ABCB4: variants seen among roughly 807,000 people sequenced by gnomAD.
The protein encoded by ABCB4 is ATP binding cassette subfamily B member 4.
Under a neutral mutation model 145.7 loss-of-function variants are expected in ABCB4, and 76 were observed. The ratio of observed to expected loss-of-function variants is 0.52; its 90% CI spans 0.43 to 0.63. The LOEUF (loss-of-function observed/expected upper bound fraction) is 0.63. Among genes scored for constraint, ABCB4 ranks in the 30% least tolerant of loss-of-function variants. The pLI, the probability that ABCB4 is intolerant of heterozygous loss-of-function variation, is 0.00. For synonymous variants in ABCB4, 517 were observed against 566.8 expected, an observed-to-expected ratio of 0.91 and a Z score of 1.25; for missense variants, 1,234 against 1,553.1, an observed-to-expected ratio of 0.79 and a Z score of 3.45.
chr7:87,392,261 T>A, the ABCB4 span, among the ~76,000 whole-genome samples: 2 of 152,214 alleles, frequency 1.3e-5, no homozygotes, highest in Admixed American at 6.5e-5. Context: ...TTTATTGTCA[T>A]TTTTAGTTAT....
At chr7:87,389,788 A>G in the ABCB4 span, among the ~76,000 whole-genome samples, 2 of 150,740 alleles carry the variant, frequency 1.3e-5, no homozygotes, top group South Asian at 4.3e-4. Context: ...AAATTCTGCA[A>G]AGCCTTCAAA....
chr7:87,406,356 A>T lies in ABCB4; in HGVS notation c.3418T>A (p.Ser1140Thr). The change falls in exon 26 of 28, where the codon TCA (serine) becomes ACA (threonine). Residue 1140 changes from serine (S) to threonine (T), a missense_variant. By Grantham distance (58) the Ser-to-Thr change is moderately conservative. Transcript: ENST00000649586. The stretch of plus-strand genomic sequence containing the variant: ...GCTGCACTCACAATTTCATCCTGTG[A>T]TACAACCCGGCTGTTGTCTCCATAG... The part of the protein sequence containing the change: ...IAYGDNSRVV[S>T]QDEIVSAAKA... 1 of 1,614,116 alleles carries T rather than the reference A, an allele frequency of 6.2e-7. No homozygotes were observed. The highest frequency in any genetic ancestry group is 1.7e-5 in the Admixed American group (1 of 60,022).
rs1811823975 is a variant in ABCB4 at position 87,452,663 on chromosome 7, T to A, written c.536+281A>T. 13 of 493,872 alleles carry A rather than the reference T, an allele frequency of 2.6e-5. No individual in the cohort carries two copies. In the East Asian group the frequency reaches 4.9e-4, roughly 19 times the overall value. The allele number at this position is 493,872 out of a possible 1,614,324, so 30.6% of individuals were successfully genotyped here. On this transcript the variant is annotated intron_variant, in intron 6 of 27. Coordinates refer to ENST00000649586, the MANE Select transcript of ABCB4 (RefSeq NM_000443.4). Reference sequence around the variant, plus strand: ...TTGATTCAACCATCTTTACTGACAGTCTAGCACCTGTCACGTCCTGCAGTA... The same window carrying A: ...TTGATTCAACCATCTTTACTGACAGACTAGCACCTGTCACGTCCTGCAGTA...
the ABCB4 span, among the ~76,000 whole-genome samples, chr7:87,395,182 A>T: frequency 6.6e-6 from 1 of 152,204 alleles, no homozygotes; most frequent in East Asian, 1.9e-4. Context: ...ACAGCTGAAG[A>T]AGTTAGAGTC....
intron 13 of ABCB4, 21 bp from the exon 14 acceptor site, chr7:87,439,858 C>T (rs777546472): frequency 6.2e-6 from 10 of 1,614,160 alleles, no homozygotes; most frequent in Non-Finnish European, 7.6e-6. Flanking sequence ...AAACATGGAT[C>T]AGCTCTTGAA....
chr7:87,396,858 G>A (rs7783929), downstream of ABCB4, among the ~76,000 whole-genome samples: 6,488 of 151,860 alleles, frequency 0.043, 439 homozygotes, highest in African/African-American at 0.15. Flanking sequence ...TTTCATTCTT[G>A]CTTATTATTT....
At chr7:87,372,018 A>C in the ABCB4 span, among the ~76,000 whole-genome samples, 3 of 151,320 alleles carry the variant, frequency 2.0e-5, no homozygotes, top group South Asian at 2.1e-4. Flanking sequence ...AAAAAAAAAA[A>C]AACAAAAAAA....
At chr7:87,466,067 G>C (rs972443374) in intron 3 of ABCB4, among the ~76,000 whole-genome samples, 1 of 152,214 alleles carries the variant, frequency 6.6e-6, no homozygotes, top group African/African-American at 2.4e-5. Context: ...TTGATGAGTT[G>C]AGAGAAGAAG....
chr7:87,379,132 G>A, the ABCB4 span, among the ~76,000 whole-genome samples: 1 of 152,054 alleles, frequency 6.6e-6, no homozygotes, highest in East Asian at 1.9e-4. Flanking sequence ...GTGGTTAACT[G>A]CCCCCTGGCT....
At chr7:87,367,304 A>G in the ABCB4 span, among the ~76,000 whole-genome samples, 1 of 152,182 alleles carries the variant, frequency 6.6e-6, no homozygotes, top group Non-Finnish European at 1.5e-5. Context: ...TTGAAGATGG[A>G]AGAAGGGGTT....
chr7:87,391,801 A>C, the ABCB4 span: 1 of 1,303,016 alleles, frequency 7.7e-7, no homozygotes, highest in Non-Finnish European at 1.1e-6. Context: ...TCTTTGCTTC[A>C]GTTTTCCTGG....
At chr7:87,383,853 T>C in the ABCB4 span, among the ~76,000 whole-genome samples, 1 of 152,188 alleles carries the variant, frequency 6.6e-6, no homozygotes, top group Non-Finnish European at 1.5e-5. Flanking sequence ...ATATCTTGAC[T>C]ATTGTGAATA....
chr7:87,474,338 C>G (rs111924852), intron 2 of ABCB4, among the ~76,000 whole-genome samples: 1 of 152,244 alleles, frequency 6.6e-6, no homozygotes, highest in South Asian at 2.1e-4. Flanking sequence ...GGAAGTAACA[C>G]CATCTATCAC....
In ABCB4 at chr7:87,409,217, C is replaced by T; in HGVS notation, c.3081+19G>A. On this transcript the variant is annotated intron_variant, in intron 24 of 27. Coordinates refer to ENST00000649586, the MANE Select transcript of ABCB4 (RefSeq NM_000443.4). ...TAGGGAAAAATTGATCAAGCATCATCAGGCATCAGAGAACTTACAGGCTTC... is the reference window on the plus strand; with the variant it reads ...TAGGGAAAAATTGATCAAGCATCATTAGGCATCAGAGAACTTACAGGCTTC... 1 of 1,613,864 alleles carries T rather than the reference C, an allele frequency of 6.2e-7. No individual in the cohort carries two copies. The highest frequency in any genetic ancestry group is 8.5e-7 in the Non-Finnish European group (1 of 1,179,894).
chr7:87,423,620 T>C (rs1175319476), intron 17 of ABCB4: 1 of 422,020 alleles, frequency 2.4e-6, no homozygotes, highest in African/African-American at 2.0e-5. Context: ...CACAAACAGA[T>C]TGGGGATCAT....
rs183658317 is a variant in ABCB4, at chr7:87,415,996, G to C, written c.2682+1316C>G. Among the ~76,000 whole-genome samples the C allele has an allele frequency of 4.3e-4, 65 of 152,228 alleles. 2 individuals carry two copies. Among genetic ancestry groups the C allele is most frequent in the Admixed American group, 3.7e-3 (57 of 15,288 alleles). Reference sequence around the variant, plus strand: ...TTAGTTGAGACACTCAGAAGTCAAGGAAATGATGCCCTAAAGTACCCACAG... The same window carrying C: ...TTAGTTGAGACACTCAGAAGTCAAGCAAATGATGCCCTAAAGTACCCACAG... On this transcript the variant is annotated intron_variant, in intron 21 of 27. Coordinates refer to ENST00000649586, the MANE Select transcript of ABCB4 (RefSeq NM_000443.4).
the ABCB4 span, among the ~76,000 whole-genome samples, chr7:87,372,612 A>C: frequency 1.8e-4 from 28 of 152,130 alleles, no homozygotes; most frequent in Non-Finnish European, 2.9e-4. Context: ...CCTTAAAAAA[A>C]CCCAAAAGTT....
the ABCB4 span, among the ~76,000 whole-genome samples, chr7:87,380,818 T>TTCA: frequency 1.3e-5 from 2 of 152,326 alleles, no homozygotes; most frequent in Middle Eastern, 3.4e-3. Context: ...ACAATATATT[T>TTCA]GATAATATCT....
rs45531135 is a variant in ABCB4 at position 87,473,798 on chromosome 7, C to T, written c.81-1123G>A. Among the ~76,000 whole-genome samples the T allele has an allele frequency of 5.0e-3, 756 of 151,770 alleles. 13 individuals are homozygous for T. The highest frequency in any genetic ancestry group is 0.026 in the Admixed American group (392 of 15,248). ...TTTTACATAAATATGATGCATTTAT[C>T]CAGGTAAATGATAAAGTTTTACTCA... On this transcript the variant is annotated intron_variant, in intron 2 of 27. Coordinates refer to ENST00000649586, the MANE Select transcript of ABCB4 (RefSeq NM_000443.4).
Sources: allele counts gnomAD v4.1 joint callset (sites outside exome capture counted in the v4.1 genomes callset), GRCh38; gene constraint gnomAD v4.1.1; transcripts MANE v1.5; gene names NCBI Gene and HGNC (gene_info 2026-07-23, HGNC 2026-07-21).